Variants in CLASP1 observed in about 807,000 individuals in gnomAD.
CLASP1 encodes the protein CLIP-associating protein 1.
In CLASP1, 38 loss-of-function variants were observed where a neutral mutation model predicts 192.3. The observed-to-expected ratio is 0.20, with a 90% confidence interval of 0.15 to 0.26. The LOEUF is 0.26. CLASP1 is among the 10% of genes least tolerant of loss of function. The pLI, the probability that CLASP1 is intolerant of heterozygous loss-of-function variation, is 1.00. For missense variants in CLASP1, 1,433 were observed against 1,932.5 expected (o/e 0.74, Z 4.85); for synonymous variants, 691 against 712.8 (o/e 0.97, Z 0.49).
intron 9 of CLASP1, 78 bp from the exon 10 acceptor site, chr2:121,462,683 C>T (rs764458566): frequency 5.0e-6 from 4 of 800,114 alleles, no homozygotes; most frequent in Non-Finnish European, 8.2e-6. Context: ...TCTAAACATA[C>T]ACAATCAAAA....
chr2:121,367,994 A>G (rs935674874), intron 34 of CLASP1, among the ~76,000 whole-genome samples, 163 bp from the exon 36 acceptor site: 1 of 152,220 alleles, frequency 6.6e-6, no homozygotes, highest in South Asian at 2.1e-4. Context: ...CCAAATCCGT[A>G]AACTACCATA....
rs768466565 is a variant in CLASP1, at chr2:121,387,203, C to T, written c.3293G>A (p.Arg1098Gln). Reference sequence around the variant, plus strand: ...GCTGCTGGTGTGTCGGGAGGGCGTCCGGCCAATCGTATTGCTTGGAGAGCC... The same window carrying T: ...GCTGCTGGTGTGTCGGGAGGGCGTCTGGCCAATCGTATTGCTTGGAGAGCC... Residue 1098 changes from arginine to glutamine, a missense_variant, in exon 32 of 40, where the codon CGG (arginine) becomes CAG (glutamine). Arg to Gln is a conservative substitution (Grantham distance 43). Coordinates refer to ENST00000263710, the Ensembl canonical transcript of CLASP1. 12 of 1,606,158 alleles carry T rather than the reference C, an allele frequency of 7.5e-6. No individual in the cohort carries two copies. The highest frequency in any genetic ancestry group is 1.7e-5 in the Admixed American group (1 of 58,444).
At chr2:121,349,636 C>A (rs1453288535) in intron 37 of CLASP1, among the ~76,000 whole-genome samples, 1 of 152,122 alleles carries the variant, frequency 6.6e-6, no homozygotes, top group East Asian at 1.9e-4. Context: ...GAGAGAAGCC[C>A]CTGAAAGGGT....
At chr2:121,627,957 A>G (rs768719175) in intron 1 of CLASP1, among the ~76,000 whole-genome samples, 44 of 152,158 alleles carry the variant, frequency 2.9e-4, no homozygotes, top group Non-Finnish European at 5.3e-4. Flanking sequence ...ACTGCATACA[A>G]TTTCAAATAC....
At chr2:121,425,866 C>T (rs548930238) in intron 21 of CLASP1, among the ~76,000 whole-genome samples, 4 of 152,266 alleles carry the variant, frequency 2.6e-5, no homozygotes, top group African/African-American at 9.6e-5. Context: ...TTAAAACAAG[C>T]CTGGGCTGGT....
In CLASP1 at chr2:121,407,731, A is replaced by C; in HGVS notation, c.2425-16T>G. The C allele has an allele frequency of 6.2e-7, 1 of 1,613,730 alleles. No homozygotes were observed. Among genetic ancestry groups the C allele is most frequent in the African/African-American group, 1.3e-5 (1 of 74,996 alleles). The stretch of plus-strand genomic sequence containing the variant: ...CAGGCTTCTTCTGACAGGTCCAATG[A>C]GGGATGGGAGTGATTGAGGAAGAAA... On this transcript the variant is annotated splice_polypyrimidine_tract_variant and intron_variant, in intron 24 of 39. Coordinates refer to ENST00000263710, the Ensembl canonical transcript of CLASP1.
chr2:121,444,854 A>T, intron 19 of CLASP1: 1 of 831,488 alleles, frequency 1.2e-6, no homozygotes, highest in South Asian at 1.4e-5. Context: ...CTTGGTGAGG[A>T]CAAGTGGGTA....
chr2:121,547,451 C>T (rs910509066), intron 2 of CLASP1, among the ~76,000 whole-genome samples: 1 of 151,974 alleles, frequency 6.6e-6, no homozygotes, highest in African/African-American at 2.4e-5. Context: ...GAAGACCCTC[C>T]ATCCTGAGCT....
intron 38 of CLASP1, among the ~76,000 whole-genome samples, chr2:121,347,396 A>G (rs1310991973): frequency 1.3e-5 from 2 of 152,142 alleles, no homozygotes; most frequent in African/African-American, 4.8e-5. Context: ...AGAGTCCCAG[A>G]CTGGTCTCTG....
rs180874513 is a variant in CLASP1 at position 121,448,465 on chromosome 2, G to T, written c.1692-140C>A. 2,702 of 730,590 alleles carry T rather than the reference G, an allele frequency of 3.7e-3. 7 individuals are homozygous for T. Among genetic ancestry groups the T allele is most frequent in the Non-Finnish European group, 5.5e-3 (2,393 of 431,260 alleles). 45.3% of individuals were successfully genotyped at this position (730,590 alleles called of 1,614,324 possible). ...TTTGGGCAATGTGAACCACAATGTTGTAAACTCCCTGATTCCCAACGAAGC... is the reference window on the plus strand; with the variant it reads ...TTTGGGCAATGTGAACCACAATGTTTTAAACTCCCTGATTCCCAACGAAGC... On this transcript the variant is annotated intron_variant, in intron 17 of 39. Coordinates refer to ENST00000263710, the Ensembl canonical transcript of CLASP1.
chr2:121,521,803 A>AGT (rs956200303), intron 6 of CLASP1, among the ~76,000 whole-genome samples: 30 of 152,294 alleles, frequency 2.0e-4, no homozygotes, highest in Admixed American at 9.2e-4. Flanking sequence ...GCTGACTACT[A>AGT]GGTCAGGTGT....
chr2:121,528,609 C>T (rs1170344587), intron 4 of CLASP1, 68 bp downstream of exon 4: 5 of 1,212,648 alleles, frequency 4.1e-6, no homozygotes, highest in Non-Finnish European at 6.1e-6. Context: ...CAAGTACACA[C>T]ACACACCCTC....
chr2:121,528,633 C>A (rs373527296), intron 4 of CLASP1, 44 bp downstream of exon 4: 8 of 1,499,726 alleles, frequency 5.3e-6, no homozygotes, highest in Non-Finnish European at 7.4e-6. Context: ...CGTGCATGCA[C>A]GCGCACTGGC....
intron 16 of CLASP1, among the ~76,000 whole-genome samples, chr2:121,450,709 C>T (rs1431858879): frequency 6.6e-6 from 1 of 152,100 alleles, no homozygotes; most frequent in African/African-American, 2.4e-5. Context: ...TCTTTTGTCT[C>T]CCTCAGTCCT....
intron 2 of CLASP1, among the ~76,000 whole-genome samples, chr2:121,600,883 T>C (rs756521290): frequency 2.6e-5 from 4 of 152,318 alleles, no homozygotes; most frequent in East Asian, 1.9e-4. Context: ...AGGTTAAGCA[T>C]GGCATTCAAA....
At chr2:121,448,391 C>T in intron 17 of CLASP1, 66 bp from the exon 18 acceptor site, 2 of 1,300,018 alleles carry the variant, frequency 1.5e-6, no homozygotes, top group Non-Finnish European at 2.2e-6. Flanking sequence ...ATACAAACTA[C>T]AACAGGAAAT....
intron 8 of CLASP1, among the ~76,000 whole-genome samples, chr2:121,492,389 CAAAAAAAAAAAAAAA>C (rs761378692): frequency 2.6e-5 from 1 of 37,914 alleles, no homozygotes; most frequent in Non-Finnish European, 4.7e-5. Flanking sequence ...ACTCCCTCTC[CAAAAAAAAAAAAAAA>C]AAAAAAAAAA....
intron 1 of CLASP1, among the ~76,000 whole-genome samples, chr2:121,616,253 C>T (rs891825332): frequency 6.6e-6 from 1 of 152,112 alleles, no homozygotes; most frequent in Non-Finnish European, 1.5e-5. Context: ...TCGAGAACAG[C>T]CTGGCCAACA....
chr2:121,606,978 C>T (rs976796092), intron 1 of CLASP1, among the ~76,000 whole-genome samples: 1 of 151,798 alleles, frequency 6.6e-6, no homozygotes, highest in African/African-American at 2.4e-5. Context: ...ATCGCTTAAA[C>T]TCAGGAGGCA....
Sources: gnomAD v4.1 joint callset for allele counts (sites outside exome capture counted in the v4.1 genomes callset) on GRCh38, gnomAD v4.1.1 for gene constraint, MANE v1.5 for transcripts, NCBI Gene and HGNC (gene_info 2026-07-23, HGNC 2026-07-21) for gene names.